The following ECT2 variants were observed in gnomAD, a reference collection of about 807,000 sequenced individuals.
The protein encoded by ECT2 is protein ECT2.
Under a neutral mutation model 116.9 loss-of-function variants are expected in ECT2, and 61 were observed. The ratio of observed to expected loss-of-function variants is 0.52; its 90% CI spans 0.42 to 0.65. The LOEUF is 0.65. Among genes scored for constraint, ECT2 ranks in the 30% least tolerant of loss-of-function variants. ECT2 has a pLI of 0.00. For synonymous variants in ECT2, 358 were observed against 346.4 expected (o/e 1.03, Z -0.37); for missense variants, 937 against 1,078.7 (o/e 0.87, Z 1.84).
intron 15 of ECT2, among the ~76,000 whole-genome samples, chr3:172,783,303 T>C (rs1723040160): frequency 6.6e-6 from 1 of 152,180 alleles, no homozygotes; most frequent in African/African-American, 2.4e-5. Context: ...TTCAGTTTGG[T>C]TGAGAATTAA....
rs1016030034 is a variant in ECT2, at chr3:172,793,251, C to T, written c.1907+6677C>T. On this transcript the variant is annotated intron_variant, in intron 18 of 24. Transcript: ENST00000392692. Reference sequence around the variant, plus strand: ...TGCGATCTCGGCTCACTGCAACCTCCGACTCCCTGGTTCAAGCGATTCTCC... The same window carrying T: ...TGCGATCTCGGCTCACTGCAACCTCTGACTCCCTGGTTCAAGCGATTCTCC... 5.9e-5 allele frequency among the ~76,000 whole-genome samples: 9 copies of T among 152,146 alleles called. No individual in the cohort carries two copies. The South Asian group carries it at 6.2e-4, about 11-fold the overall frequency.
chr3:172,753,765 T>C (rs1716401621), intron 1 of ECT2, among the ~76,000 whole-genome samples: 1 of 152,186 alleles, frequency 6.6e-6, no homozygotes, highest in African/African-American at 2.4e-5. Context: ...GTTGCATAGA[T>C]TGTATAGGGA....
At chr3:172,783,702 G>A in intron 15 of ECT2, 97 bp from the exon 16 acceptor site, 1 of 757,908 alleles carries the variant, frequency 1.3e-6, no homozygotes, top group South Asian at 1.6e-5. Flanking sequence ...CATCCACTAT[G>A]TCAGATTGTG....
chr3:172,770,343 G>T (rs1720374787), intron 13 of ECT2, among the ~76,000 whole-genome samples: 2 of 152,088 alleles, frequency 1.3e-5, no homozygotes, highest in Non-Finnish European at 2.9e-5. Context: ...TGAAGTTTCA[G>T]AATTCTAATT....
Position 172,764,488 on chromosome 3 carries a change from A to G in ECT2, c.1279A>G (p.Ile427Val), listed in dbSNP as rs370094220. ...LDISNTPESS[I>V]NYGDTPKSCT... ...TATCTCCAACACACCAGAGTCTAGCATTAACTATGGAGGTAATTCACATTC... is the reference window on the plus strand; with the variant it reads ...TATCTCCAACACACCAGAGTCTAGCGTTAACTATGGAGGTAATTCACATTC... Residue 427 changes from isoleucine to valine, a missense_variant, in exon 12 of 25, where the codon ATT becomes GTT. Ile to Val is a conservative substitution (Grantham distance 29). Transcript: ENST00000392692. The G allele has an allele frequency of 6.2e-6, 10 of 1,613,380 alleles. No individual in the cohort carries two copies. The highest frequency in any genetic ancestry group is 3.3e-5 in the Admixed American group (2 of 59,994).
At chr3:172,760,551 A>T (rs1484442300) in intron 7 of ECT2, among the ~76,000 whole-genome samples, 2 of 151,182 alleles carry the variant, frequency 1.3e-5, no homozygotes, top group Non-Finnish European at 2.9e-5. Flanking sequence ...CAAAGTGTTG[A>T]GATTACATAC....
At chr3:172,785,165 T>C (rs1723395203) in intron 17 of ECT2, among the ~76,000 whole-genome samples, 4 of 152,192 alleles carry the variant, frequency 2.6e-5, no homozygotes, top group Admixed American at 2.0e-4. Context: ...TAGCCCTTTT[T>C]TGAATTTTAG....
At chr3:172,764,970 T>G (rs1311544122) in intron 12 of ECT2, among the ~76,000 whole-genome samples, 1 of 151,776 alleles carries the variant, frequency 6.6e-6, no homozygotes, top group Non-Finnish European at 1.5e-5. Context: ...TTCCCTTTCT[T>G]TTTGATTTTT....
At chr3:172,776,198 C>T (rs199534124) in intron 14 of ECT2, among the ~76,000 whole-genome samples, 1,265 of 111,402 alleles carry the variant, frequency 0.011, 15 homozygotes, top group African/African-American at 0.029. Flanking sequence ...TCAGTTTTTT[C>T]TTTTTTTTTT....
intron 24 of ECT2, chr3:172,818,951 T>C (rs549975437): frequency 1.5e-6 from 1 of 676,250 alleles, no homozygotes; most frequent in East Asian, 9.3e-5. Flanking sequence ...TTAATAACAA[T>C]TTAGGTTTAA....
the ECT2 span, chr3:172,828,680 A>G: frequency 7.9e-6 from 3 of 380,914 alleles, no homozygotes; most frequent in East Asian, 1.6e-4. Flanking sequence ...CAGCACCAGG[A>G]ATGGCATGGA....
At chr3:172,785,661 A>G (rs1723482581) in intron 17 of ECT2, among the ~76,000 whole-genome samples, 1 of 152,166 alleles carries the variant, frequency 6.6e-6, no homozygotes, top group South Asian at 2.1e-4. Flanking sequence ...ATTTTCTGTA[A>G]AAATCTTGGT....
At chr3:172,828,718 C>A in the ECT2 span, 1 of 494,346 alleles carries the variant, frequency 2.0e-6, no homozygotes, top group Non-Finnish European at 3.7e-6. Flanking sequence ...GGACAGGTGG[C>A]CCCCATGGAG....
intron 15 of ECT2, 140 bp from the exon 16 acceptor site, chr3:172,783,659 T>C: frequency 1.7e-6 from 1 of 589,902 alleles, no homozygotes; most frequent in South Asian, 1.9e-5. Context: ...AATAAGTTTG[T>C]TCTCAAACAT....
At chr3:172,808,006 C>A in intron 22 of ECT2, 82 bp downstream of exon 22, 2 of 1,311,840 alleles carry the variant, frequency 1.5e-6, no homozygotes, top group South Asian at 1.7e-5. Flanking sequence ...TTTTTAATGA[C>A]TTGTTTATTA....
At position 172,786,014 on chromosome 3, in the gene ECT2, A is replaced by T. The variant is rs75942385; in HGVS notation, c.1826-479A>T. Among the ~76,000 whole-genome samples the T allele has an allele frequency of 8.5e-5, 13 of 152,334 alleles. No individual in the cohort carries two copies. The East Asian group carries it at 2.5e-3, about 29-fold the overall frequency. ...TAGATTTGATAAGAATATGCCAAGG[A>T]TGGCATAGGGAACACAAATAACCTG... On this transcript the variant is annotated intron_variant, in intron 17 of 24. Transcript: ENST00000392692.
At chr3:172,777,851 A>G (rs1374230145) in intron 14 of ECT2, among the ~76,000 whole-genome samples, 2 of 152,228 alleles carry the variant, frequency 1.3e-5, no homozygotes, top group African/African-American at 4.8e-5. Flanking sequence ...GTGAGTCAAG[A>G]TCATGCCACT....
intron 18 of ECT2, among the ~76,000 whole-genome samples, 196 bp from the exon 19 acceptor site, chr3:172,802,420 G>A (rs780218707): frequency 6.6e-6 from 1 of 152,134 alleles, no homozygotes; most frequent in South Asian, 2.1e-4. Context: ...GCCGGAAGTT[G>A]CTTGTTTGTT....
intron 20 of ECT2, among the ~76,000 whole-genome samples, chr3:172,805,249 A>G (rs1727467496): frequency 6.6e-6 from 1 of 152,084 alleles, no homozygotes; most frequent in African/African-American, 2.4e-5. Flanking sequence ...TAACTTTTAA[A>G]TGTTTTATCT....
Sources: allele counts gnomAD v4.1 joint callset (sites outside exome capture counted in the v4.1 genomes callset), GRCh38; gene constraint gnomAD v4.1.1; transcripts MANE v1.5; gene names NCBI Gene and HGNC (gene_info 2026-07-23, HGNC 2026-07-21).